MIPOL1: variants seen among roughly 807,000 people sequenced by gnomAD.
MIPOL1 encodes mirror-image polydactyly gene 1 protein.
In MIPOL1, 57 loss-of-function variants were observed where a neutral mutation model predicts 60.9. That is an observed-to-expected ratio of 0.94 (90% CI 0.76 to 1.17). MIPOL1 has a LOEUF of 1.17. Among genes scored for constraint, MIPOL1 ranks in the 50% most tolerant of loss-of-function variants. The probability of loss-of-function intolerance (pLI) is 0.00; values close to 1 mark genes in which losing one functional copy is unlikely to be tolerated. For synonymous variants in MIPOL1, 179 were observed against 168.8 expected, an observed-to-expected ratio of 1.06 and a Z score of -0.47; for missense variants, 551 against 511.6, an observed-to-expected ratio of 1.08 and a Z score of -0.74.
chr14:37,398,461 C>T (rs998225769), intron 10 of MIPOL1, among the ~76,000 whole-genome samples: 1 of 152,068 alleles, frequency 6.6e-6, no homozygotes, highest in African/African-American at 2.4e-5. Context: ...TGTGTCCATC[C>T]GAGTAGGAGC....
At chr14:37,401,719 A>G (rs1275245553) in intron 10 of MIPOL1, 1 of 152,138 alleles carries the variant, frequency 6.6e-6, no homozygotes, top group African/African-American at 2.4e-5. Context: ...TATTATAGCT[A>G]AAGGAAAATT....
chr14:37,248,636 A>ATC (rs1317519008), intron 3 of MIPOL1, among the ~76,000 whole-genome samples: 15 of 152,138 alleles, frequency 9.9e-5, no homozygotes, highest in African/African-American at 3.4e-4. Context: ...CTATATCTAT[A>ATC]TATATATCTC....
At chr14:37,285,232 ATTAC>A in intron 6 of MIPOL1, 82 bp from the exon 7 acceptor site, 4 of 1,424,838 alleles carry the variant, frequency 2.8e-6, no homozygotes, top group Non-Finnish European at 2.9e-6. Context: ...TACAGTAATA[ATTAC>A]TTATGGCTTT....
At chr14:37,489,373 CT>C in intron 11 of MIPOL1, among the ~76,000 whole-genome samples, 1 of 152,248 alleles carries the variant, frequency 6.6e-6, no homozygotes, top group East Asian at 1.9e-4. Context: ...AGGTTCTTAG[CT>C]TCCTTGCATT....
chr14:37,294,593 C>T (rs2085441329), intron 7 of MIPOL1, among the ~76,000 whole-genome samples: 2 of 152,038 alleles, frequency 1.3e-5, no homozygotes, highest in Admixed American at 1.3e-4. Context: ...CTAGAATAAT[C>T]AATGCAGAGA....
At chr14:37,302,189 G>A (rs1324798179) in intron 7 of MIPOL1, among the ~76,000 whole-genome samples, 14 of 148,652 alleles carry the variant, frequency 9.4e-5, no homozygotes, top group African/African-American at 3.5e-4. Context: ...CTTTTCCAGA[G>A]TGGCTATACT....
At position 37,499,108 on chromosome 14, in the gene MIPOL1, A is replaced by G. The variant is rs2095175894; in HGVS notation, c.1032-800A>G. Among the ~76,000 whole-genome samples, 8 of 152,246 alleles carry G rather than the reference A, an allele frequency of 5.3e-5. No individual in the cohort carries two copies. In the South Asian group the frequency reaches 1.4e-3, roughly 28 times the overall value. ...GTGGAGTTTAAATTTCTCTTATTAA[A>G]TATTTATATTTTCAAAATGTCTTTA... On this transcript the variant is annotated intron_variant, in intron 11 of 12. Coordinates refer to ENST00000684589, the MANE Select transcript of MIPOL1 (RefSeq NM_001388067.1).
intron 9 of MIPOL1, among the ~76,000 whole-genome samples, chr14:37,336,433 TG>T (rs2090126432): frequency 1.3e-5 from 2 of 150,358 alleles, no homozygotes; most frequent in Admixed American, 1.3e-4. Context: ...TCTTCTAAGT[TG>T]CTTTTCCAGC....
At chr14:37,212,982 C>T (rs1966949114) in intron 1 of MIPOL1, among the ~76,000 whole-genome samples, 1 of 152,092 alleles carries the variant, frequency 6.6e-6, no homozygotes, top group African/African-American at 2.4e-5. Flanking sequence ...AAGGTTGTAC[C>T]TATGTGAGTC....
At chr14:37,449,746 T>C (rs2094390293) in intron 11 of MIPOL1, among the ~76,000 whole-genome samples, 2 of 152,174 alleles carry the variant, frequency 1.3e-5, no homozygotes, top group South Asian at 2.1e-4. Context: ...ATGACTTTCT[T>C]GTACCGATTT....
intron 9 of MIPOL1, among the ~76,000 whole-genome samples, chr14:37,328,088 C>T (rs969932431): frequency 6.6e-6 from 1 of 152,074 alleles, no homozygotes; most frequent in Non-Finnish European, 1.5e-5. Context: ...TCTCTGCTCA[C>T]TGCAACCTCC....
chr14:37,265,541 GT>G (rs1226533278), intron 3 of MIPOL1, among the ~76,000 whole-genome samples: 1 of 152,146 alleles, frequency 6.6e-6, no homozygotes, highest in Non-Finnish European at 1.5e-5. Flanking sequence ...TTATACAAAT[GT>G]TTGAATACTA....
intron 10 of MIPOL1, among the ~76,000 whole-genome samples, chr14:37,410,004 A>G (rs187929758): frequency 6.6e-6 from 1 of 152,308 alleles, no homozygotes; most frequent in African/African-American, 2.4e-5. Context: ...TTCTAAAACT[A>G]ATGGAAGATA....
chr14:37,229,296 C>T (rs1970256890), intron 1 of MIPOL1, among the ~76,000 whole-genome samples: 3 of 152,192 alleles, frequency 2.0e-5, no homozygotes, highest in South Asian at 2.1e-4. Context: ...GGACTACATG[C>T]GTGTGCTACC....
At chr14:37,308,176 T>C (rs2086951670) in intron 8 of MIPOL1, 87 bp downstream of exon 8, 1 of 1,354,262 alleles carries the variant, frequency 7.4e-7, no homozygotes, top group Non-Finnish European at 1.0e-6. Flanking sequence ...AGAACTAAGA[T>C]GTGGGAAAAA....
At chr14:37,425,941 G>C (rs1404438283) in intron 11 of MIPOL1, among the ~76,000 whole-genome samples, 1 of 152,066 alleles carries the variant, frequency 6.6e-6, no homozygotes, top group Non-Finnish European at 1.5e-5. Context: ...GTAATTAGGA[G>C]GTAAAGAAGC....
intron 12 of MIPOL1, 96 bp from the exon 13 acceptor site, chr14:37,546,809 G>A: frequency 1.1e-6 from 1 of 926,874 alleles, no homozygotes; most frequent in Non-Finnish European, 1.7e-6. Context: ...AGGACTGCTT[G>A]GTCACAGGCA....
intron 11 of MIPOL1, among the ~76,000 whole-genome samples, chr14:37,447,603 A>C (rs754602605): frequency 1.7e-4 from 26 of 152,134 alleles, no homozygotes; most frequent in Non-Finnish European, 3.4e-4. Flanking sequence ...TCTTTATATC[A>C]TTGCATTTGT....
At chr14:37,229,275 C>T (rs1018835703) in intron 1 of MIPOL1, among the ~76,000 whole-genome samples, 1 of 152,076 alleles carries the variant, frequency 6.6e-6, no homozygotes, top group Non-Finnish European at 1.5e-5. Context: ...ACTGCAGCCC[C>T]CAAGTAGCTG....
Sources: allele counts gnomAD v4.1 joint callset (sites outside exome capture counted in the v4.1 genomes callset), GRCh38; gene constraint gnomAD v4.1.1; transcripts MANE v1.5; gene names NCBI Gene and HGNC (gene_info 2026-07-23, HGNC 2026-07-21).